CSMD1: variants seen among roughly 807,000 people sequenced by gnomAD.
CSMD1 encodes the protein CUB and sushi domain-containing protein 1.
CSMD1 carries 213 observed loss-of-function variants against 417.5 expected under a neutral mutation model. The ratio of observed to expected loss-of-function variants is 0.51; its 90% CI spans 0.46 to 0.57. The LOEUF (loss-of-function observed/expected upper bound fraction) is 0.57. Ranked by LOEUF, CSMD1 falls within the 20% of genes least tolerant of loss-of-function variation. The pLI is 0.00. For missense variants in CSMD1, 6,923 were observed against 4,529.7 expected, an observed-to-expected ratio of 1.53 and a Z score of -15.17; for synonymous variants, 2,862 against 1,736.8, an observed-to-expected ratio of 1.65 and a Z score of -16.11.
intron 5 of CSMD1, among the ~76,000 whole-genome samples, chr8:3,924,403 T>A (rs1584973602): frequency 6.6e-6 from 1 of 152,208 alleles, no homozygotes; most frequent in East Asian, 1.9e-4. Context: ...ACCTAGACAT[T>A]CATTTCCCTC....
At chr8:4,709,356 C>G (rs1317538221) in intron 1 of CSMD1, among the ~76,000 whole-genome samples, 2 of 152,068 alleles carry the variant, frequency 1.3e-5, no homozygotes, top group African/African-American at 4.8e-5. Context: ...GGAGTTTAGG[C>G]TGTATGTCCC....
intron 2 of CSMD1, among the ~76,000 whole-genome samples, chr8:4,434,772 C>CT (rs1798059520): frequency 6.6e-6 from 1 of 152,180 alleles, no homozygotes; most frequent in Admixed American, 6.5e-5. Context: ...AATACACACC[C>CT]TTTCCACACT....
At chr8:3,658,913 C>T (rs1398282000) in intron 7 of CSMD1, among the ~76,000 whole-genome samples, 1 of 152,088 alleles carries the variant, frequency 6.6e-6, no homozygotes, top group East Asian at 1.9e-4. Context: ...TTAATAATTC[C>T]ATTCTTGACC....
At chr8:4,924,875 C>A (rs992536570) in intron 1 of CSMD1, among the ~76,000 whole-genome samples, 1 of 152,116 alleles carries the variant, frequency 6.6e-6, no homozygotes, top group Non-Finnish European at 1.5e-5. Flanking sequence ...GTTTCCCCAA[C>A]CAGCACAAGA....
intron 10 of CSMD1, among the ~76,000 whole-genome samples, chr8:3,534,155 C>A (rs897477358): frequency 6.6e-6 from 1 of 152,184 alleles, no homozygotes; most frequent in African/African-American, 2.4e-5. Flanking sequence ...AACAAATACC[C>A]TTGAAGTAAT....
At chr8:3,425,615 A>G (rs574267512) in intron 12 of CSMD1, among the ~76,000 whole-genome samples, 11 of 151,706 alleles carry the variant, frequency 7.3e-5, no homozygotes, top group Non-Finnish European at 1.6e-4. Context: ...GAAGAAAGAA[A>G]AAAGGAAAAA....
chr8:3,104,469 C>A (rs1376868278), intron 46 of CSMD1, among the ~76,000 whole-genome samples: 1 of 152,098 alleles, frequency 6.6e-6, no homozygotes, highest in African/African-American at 2.4e-5. Context: ...AAGGGTCTGG[C>A]CCTCTGCTCA....
At chr8:4,428,784 A>G (rs1797705730) in intron 2 of CSMD1, among the ~76,000 whole-genome samples, 2 of 152,060 alleles carry the variant, frequency 1.3e-5, no homozygotes, top group East Asian at 3.9e-4. Flanking sequence ...CAGTGGCGTG[A>G]TCTTGGCTCA....
At chr8:3,406,693 A>C (rs1029928141) in intron 14 of CSMD1, among the ~76,000 whole-genome samples, 1 of 152,242 alleles carries the variant, frequency 6.6e-6, no homozygotes, top group African/African-American at 2.4e-5. Flanking sequence ...CACTAAATGA[A>C]ACAATTATTG....
chr8:3,776,662 A>G (rs1459529148), intron 5 of CSMD1, among the ~76,000 whole-genome samples: 2 of 151,846 alleles, frequency 1.3e-5, no homozygotes, highest in African/African-American at 4.8e-5. Flanking sequence ...CCTCCTTCCC[A>G]CCAAGGCACT....
In CSMD1 at chr8:4,026,184, T is replaced by G. The variant is rs977285470; in HGVS notation, c.610+5721A>C. Among the ~76,000 whole-genome samples, 7 of 152,326 alleles carry G rather than the reference T, an allele frequency of 4.6e-5. No individual in the cohort carries two copies. The East Asian group carries it at 1.2e-3, about 25-fold the overall frequency. On this transcript the variant is annotated intron_variant, in intron 4 of 69. Transcript: ENST00000635120. ...TTACACATTTACAAGAATTAGATCA[T>G]TTTTTCTTTATAATCTAGTTATCCA...
At chr8:3,235,391 A>G (rs942942932) in intron 26 of CSMD1, among the ~76,000 whole-genome samples, 2 of 152,222 alleles carry the variant, frequency 1.3e-5, no homozygotes, top group African/African-American at 4.8e-5. Context: ...TTATACATGA[A>G]TAAGAATTTT....
At chr8:4,235,375 G>C (rs1478606878) in intron 3 of CSMD1, among the ~76,000 whole-genome samples, 2 of 147,064 alleles carry the variant, frequency 1.4e-5, no homozygotes, top group East Asian at 2.0e-4. Context: ...TTTTTTGTTT[G>C]TTTGTTTTTT....
At chr8:4,392,531 G>C (rs947205522) in intron 3 of CSMD1, among the ~76,000 whole-genome samples, 1 of 152,078 alleles carries the variant, frequency 6.6e-6, no homozygotes, top group African/African-American at 2.4e-5. Flanking sequence ...GGAGATGGGA[G>C]TGTCATTGGT....
At chr8:4,128,284 C>T (rs756551139) in intron 3 of CSMD1, among the ~76,000 whole-genome samples, 4 of 152,124 alleles carry the variant, frequency 2.6e-5, no homozygotes, top group African/African-American at 4.8e-5. Context: ...TAAGAATGAT[C>T]TGAGAAGACT....
chr8:3,971,957 G>T (rs986447325), intron 5 of CSMD1, among the ~76,000 whole-genome samples: 11 of 151,910 alleles, frequency 7.2e-5, no homozygotes, highest in African/African-American at 2.7e-4. Flanking sequence ...GCCCAGGCTG[G>T]AGTGCAGTGG....
rs79579825 is a variant in CSMD1, at chr8:3,359,698, T to C, written c.3116-358A>G. ...ACTTGATAGCAGAGTAAGGTGACTA[T>C]AGTGAGTAATAATACAGTGTACATT... On this transcript the variant is annotated intron_variant, in intron 20 of 69. Transcript: ENST00000635120. 3.4e-4 allele frequency among the ~76,000 whole-genome samples: 52 copies of C among 152,250 alleles called. No homozygotes were observed. The East Asian group carries it at 9.5e-3, about 28-fold the overall frequency.
intron 3 of CSMD1, among the ~76,000 whole-genome samples, chr8:4,085,420 A>AT (rs1040765176): frequency 6.6e-6 from 1 of 152,194 alleles, no homozygotes; most frequent in Non-Finnish European, 1.5e-5. Context: ...CATTGTGGTG[A>AT]TTTTGATTAT....
chr8:3,987,464 T>C (rs1563288141), intron 5 of CSMD1, among the ~76,000 whole-genome samples: 1 of 152,234 alleles, frequency 6.6e-6, no homozygotes, highest in African/African-American at 2.4e-5. Flanking sequence ...TACTTTCATA[T>C]TCACCCAGCT....
Sources: allele counts gnomAD v4.1 joint callset (sites outside exome capture counted in the v4.1 genomes callset), GRCh38; gene constraint gnomAD v4.1.1; transcripts MANE v1.5; gene names NCBI Gene and HGNC (gene_info 2026-07-23, HGNC 2026-07-21).